The following CTBP2 variants were observed in gnomAD, a reference collection of about 807,000 sequenced individuals.
CTBP2 encodes C-terminal-binding protein 2.
CTBP2 carries 30 observed loss-of-function variants against 80.3 expected under a neutral mutation model. The ratio of observed to expected loss-of-function variants is 0.37; its 90% CI spans 0.28 to 0.51. CTBP2 has a LOEUF of 0.51. Ranked by LOEUF, CTBP2 falls within the 20% of genes least tolerant of loss-of-function variation. The pLI, the probability that CTBP2 is intolerant of heterozygous loss-of-function variation, is 0.93. For missense variants in CTBP2, 1,212 were observed against 1,375.3 expected (o/e 0.88, Z 1.88); for synonymous variants, 594 against 587.4 (o/e 1.01, Z -0.16).
intron 2 of CTBP2, among the ~76,000 whole-genome samples, chr10:125,081,771 G>GA (rs1225975101): frequency 6.6e-6 from 1 of 152,052 alleles, no homozygotes; most frequent in African/African-American, 2.4e-5. Context: ...TTTGCAATGT[G>GA]ATTTCATTAC....
Position 125,027,652 on chromosome 10 carries a change from C to T in CTBP2, c.108G>A (p.Gly36=), listed in dbSNP as rs745405337. Residue 36 remains glycine, a synonymous_variant, in exon 1 of 9, where the codon GGG becomes GGA. Transcript: ENST00000309035. ...TGCCATACGTCAGGGAGCTTCTCCT[C>T]CCCAGAGGCCGCAGGGACTCGGCGT... 5.0e-6 allele frequency: 8 copies of T among 1,614,080 alleles called. No homozygotes were observed. The South Asian group carries it at 7.7e-5, about 16-fold the overall frequency.
intron 1 of CTBP2, among the ~76,000 whole-genome samples, chr10:125,022,864 A>G (rs2134612189): frequency 6.6e-6 from 1 of 152,368 alleles, no homozygotes; most frequent in Non-Finnish European, 1.5e-5. Flanking sequence ...CAAGGTGCAG[A>G]GGAGTCTCAA....
chr10:125,088,508 G>C (rs1564890229), intron 2 of CTBP2, among the ~76,000 whole-genome samples: 1 of 152,098 alleles, frequency 6.6e-6, no homozygotes, highest in Non-Finnish European at 1.5e-5. Flanking sequence ...TGATGCTGCT[G>C]GTCATCACTC....
chr10:125,083,106 T>A (rs1847426904), intron 2 of CTBP2, among the ~76,000 whole-genome samples: 1 of 152,214 alleles, frequency 6.6e-6, no homozygotes, highest in East Asian at 1.9e-4. Context: ...GGTTATCCCC[T>A]TGGCTCTGCA....
At chr10:125,129,397 C>T (rs1301874751) in intron 1 of CTBP2, among the ~76,000 whole-genome samples, 1 of 152,076 alleles carries the variant, frequency 6.6e-6, no homozygotes, top group African/African-American at 2.4e-5. Context: ...CCCCACCAAT[C>T]CCCACTTCCC....
chr10:125,086,403 T>G (rs544353521), intron 2 of CTBP2, among the ~76,000 whole-genome samples: 1 of 152,096 alleles, frequency 6.6e-6, no homozygotes, highest in Admixed American at 6.5e-5. Flanking sequence ...GTGGTAAACT[T>G]TGATCCAGCA....
chr10:125,135,078 C>T (rs1856790007), intron 1 of CTBP2, among the ~76,000 whole-genome samples: 1 of 152,186 alleles, frequency 6.6e-6, no homozygotes, highest in African/African-American at 2.4e-5. Flanking sequence ...CCACTCGCTG[C>T]GCTGGGCTAG....
chr10:125,108,033 T>C (rs1851716412), intron 2 of CTBP2, among the ~76,000 whole-genome samples: 1 of 152,218 alleles, frequency 6.6e-6, no homozygotes, highest in Non-Finnish European at 1.5e-5. Context: ...TAAAAAACCA[T>C]GACCCAACTG....
rs1244719399 is a variant in CTBP2, at chr10:124,988,199, A to G, written c.*1319T>C. On this transcript the variant is annotated 3_prime_UTR_variant, in exon 9 of 9. Transcript: ENST00000309035. ...TTGTTATCACAGGTAATTAATTGTC[A>G]GCGGTCTTGAGTCTGGTTATGGAAC... 6.6e-6 allele frequency: 1 copy of G among 152,632 alleles called. No homozygotes were observed. The allele number at this position is 152,632 out of a possible 1,614,324, so 9.5% of individuals were successfully genotyped here.
At chr10:125,060,437 C>A (rs2135333387) in intron 2 of CTBP2, among the ~76,000 whole-genome samples, 1 of 151,676 alleles carries the variant, frequency 6.6e-6, no homozygotes, top group African/African-American at 2.4e-5. Context: ...TCCTTAACTA[C>A]TGGTCATGAT....
chr10:125,092,779 A>T (rs138429508), intron 2 of CTBP2, among the ~76,000 whole-genome samples: 5 of 152,232 alleles, frequency 3.3e-5, no homozygotes, highest in African/African-American at 1.2e-4. Flanking sequence ...AACGTACCCA[A>T]TGTGGGCACT....
intron 2 of CTBP2, among the ~76,000 whole-genome samples, chr10:125,063,746 G>T (rs78179533): frequency 1.3e-5 from 2 of 152,180 alleles, no homozygotes; most frequent in African/African-American, 2.4e-5. Context: ...TAAGTTTTGC[G>T]AATTCATTCA....
chr10:125,159,927 TGCCCTCCGGACGCC>T (rs1861650801), intron 1 of CTBP2: 1 of 149,414 alleles, frequency 6.7e-6, no homozygotes, highest in Non-Finnish European at 1.4e-5. Context: ...CCGCCGCCGC[TGCCCTCCGGACGCC>T]GCCGCGCTCG....
intron 1 of CTBP2, among the ~76,000 whole-genome samples, chr10:125,154,615 A>T (rs1173063162): frequency 6.6e-6 from 1 of 151,376 alleles, no homozygotes; most frequent in Non-Finnish European, 1.5e-5. Context: ...GCATATACAC[A>T]TGCAAACTAC....
At chr10:125,094,327 T>C (rs777539730) in intron 2 of CTBP2, among the ~76,000 whole-genome samples, 8 of 152,124 alleles carry the variant, frequency 5.3e-5, no homozygotes, top group Non-Finnish European at 1.0e-4. Flanking sequence ...TGAACACCCA[T>C]GTGAGCATCA....
chr10:125,154,988 C>T (rs1269436859), intron 1 of CTBP2, among the ~76,000 whole-genome samples: 2 of 152,228 alleles, frequency 1.3e-5, no homozygotes, highest in African/African-American at 4.8e-5. Flanking sequence ...CCTCCTGTGA[C>T]TTAAGATGCC....
chr10:125,086,403 T>A (rs544353521), intron 2 of CTBP2, among the ~76,000 whole-genome samples: 1 of 151,978 alleles, frequency 6.6e-6, no homozygotes, highest in Non-Finnish European at 1.5e-5. Flanking sequence ...GTGGTAAACT[T>A]TGATCCAGCA....
chr10:125,065,206 C>T (rs1297521968), intron 2 of CTBP2, among the ~76,000 whole-genome samples: 9 of 152,158 alleles, frequency 5.9e-5, no homozygotes, highest in Non-Finnish European at 1.0e-4. Flanking sequence ...AGGTTCCAGT[C>T]TTTCCAGGGA....
At chr10:124,991,897 G>A (rs377522316) in intron 8 of CTBP2, among the ~76,000 whole-genome samples, 4 of 144,138 alleles carry the variant, frequency 2.8e-5, no homozygotes, top group African/African-American at 1.0e-4. Context: ...CAATAATGGG[G>A]GGGGGGGTGT....
Sources: gnomAD v4.1 joint callset for allele counts (sites outside exome capture counted in the v4.1 genomes callset) on GRCh38, gnomAD v4.1.1 for gene constraint, MANE v1.5 for transcripts, NCBI Gene and HGNC (gene_info 2026-07-23, HGNC 2026-07-21) for gene names.